Variants in ZNF131 observed in about 807,000 individuals in gnomAD.
ZNF131 encodes zinc finger protein 131.
ZNF131 carries 7 observed loss-of-function variants against 60.0 expected under a neutral mutation model. That is an observed-to-expected ratio of 0.12 (90% CI 0.07 to 0.22). ZNF131 has a LOEUF of 0.22. ZNF131 is among the 10% of genes least tolerant of loss of function. The pLI is 1.00. For synonymous variants in ZNF131, 257 were observed against 253.2 expected, an observed-to-expected ratio of 1.01 and a Z score of -0.14; for missense variants, 493 against 740.9, an observed-to-expected ratio of 0.67 and a Z score of 3.88.
Position 43,175,789 on chromosome 5 carries a change from T to C in ZNF131, c.*656T>C, listed in dbSNP as rs1579937416. The C allele has an allele frequency of 4.2e-6, 1 of 236,624 alleles. No homozygotes were observed. Among genetic ancestry groups the C allele is most frequent in the South Asian group, 7.7e-5 (1 of 13,040 alleles). 14.7% of individuals were successfully genotyped at this position (236,624 alleles called of 1,614,324 possible). A position where few individuals can be genotyped will look rare whatever the true frequency, so the allele number is the denominator to read the frequency against. On this transcript the variant is annotated 3_prime_UTR_variant, in exon 7 of 7. Coordinates refer to ENST00000682664, the MANE Select transcript of ZNF131 (RefSeq NM_001330707.2). Reference sequence around the variant, plus strand: ...CTGAACTTCTATAAAGCATCTCTGGTTCTTTCAAAGTTTGTGTTGTAAGGA... The same window carrying C: ...CTGAACTTCTATAAAGCATCTCTGGCTCTTTCAAAGTTTGTGTTGTAAGGA...
chr5:43,157,768 A>G (rs370014791), intron 4 of ZNF131, among the ~76,000 whole-genome samples: 1 of 152,202 alleles, frequency 6.6e-6, no homozygotes, highest in Non-Finnish European at 1.5e-5. Flanking sequence ...CTCCCAAGAC[A>G]CTAAGGGGAG....
At position 43,174,964 on chromosome 5, in the gene ZNF131, C is replaced by A; in HGVS notation, c.1703C>A (p.Thr568Asn). The A allele has an allele frequency of 6.2e-7, 1 of 1,614,050 alleles. No individual in the cohort carries two copies. The highest frequency in any genetic ancestry group is 1.6e-4 in the Middle Eastern group (1 of 6,062). ...CTAGAAGCAGATTTGGACCACGTGA[C>A]CCCAGAAATCATGAACCAAGAGGAG... ...ELLEADLDHV[T>N]PEIMNQEERE... Residue 568 changes from threonine (T) to asparagine (N), a missense_variant, in exon 7 of 7, where the codon ACC (threonine) becomes AAC (asparagine). Physicochemically the swap from Thr to Asn is moderately conservative, Grantham distance 65. Coordinates refer to ENST00000682664, the MANE Select transcript of ZNF131 (RefSeq NM_001330707.2).
rs1205635519 is a variant in ZNF131 at position 43,162,969 on chromosome 5, CTTTTT to C, written c.1054+1052_1054+1056del. Among the ~76,000 whole-genome samples the C allele has an allele frequency of 3.2e-4, 21 of 64,908 alleles. 2 individuals are homozygous for C. Among genetic ancestry groups the C allele is most frequent in the African/African-American group, 8.1e-4 (16 of 19,760 alleles). 42.6% of individuals were successfully genotyped at this position (64,908 alleles called of 152,430 possible). A position where few individuals can be genotyped will look rare whatever the true frequency, so the allele number is the denominator to read the frequency against. On this transcript the variant is annotated intron_variant, in intron 5 of 6. Coordinates refer to ENST00000682664, the MANE Select transcript of ZNF131 (RefSeq NM_001330707.2). ...TTTATACTTCTTTTCTTTTATTTGCCTTTTTTTTTTTTTTTTTTGGCAGATGGAGT... is the reference window on the plus strand; with the variant it reads ...TTTATACTTCTTTTCTTTTATTTGCCTTTTTTTTTTTTTGGCAGATGGAGT...
Position 43,142,274 on chromosome 5 carries a change from G to A in ZNF131, c.371+2965G>A, listed in dbSNP as rs1296039369. 3.4e-5 allele frequency among the ~76,000 whole-genome samples: 5 copies of A among 148,170 alleles called. No individual in the cohort carries two copies. The South Asian group carries it at 8.8e-4, about 26-fold the overall frequency. The stretch of plus-strand genomic sequence containing the variant: ...AGAGAATTGCTTGAACCCGGGAGGC[G>A]GTGGTTGCAGTGAGCTGAGATCATG... On this transcript the variant is annotated intron_variant, in intron 4 of 6. Transcript: ENST00000682664.
At chr5:43,142,894 T>C (rs1053861814) in intron 4 of ZNF131, among the ~76,000 whole-genome samples, 4 of 152,070 alleles carry the variant, frequency 2.6e-5, no homozygotes, top group African/African-American at 4.8e-5. Flanking sequence ...GATTTCACCA[T>C]GTTGCCCAGG....
chr5:43,131,004 C>T lies in ZNF131; in HGVS notation c.226+7694C>T, dbSNP rs113216782. 7.8e-3 allele frequency among the ~76,000 whole-genome samples: 1,186 copies of T among 152,188 alleles called. 18 individuals are homozygous for T. Among genetic ancestry groups the T allele is most frequent in the African/African-American group, 0.027 (1,134 of 41,500 alleles). ...TCAGCCTCCTGAGTAGCTGGGATTA[C>T]AGGCACTCACTAACCACACCTGGCC... On this transcript the variant is annotated intron_variant, in intron 3 of 6. Coordinates refer to ENST00000682664, the MANE Select transcript of ZNF131 (RefSeq NM_001330707.2).
chr5:43,147,429 AT>A (rs1747745290), intron 4 of ZNF131, among the ~76,000 whole-genome samples: 1 of 150,216 alleles, frequency 6.7e-6, no homozygotes. Flanking sequence ...TTATTTATTT[AT>A]TTTTTGAGAC....
Position 43,161,813 on chromosome 5 carries a change from T to A in ZNF131, c.936T>A (p.Leu312=), listed in dbSNP as rs769780206. 6.2e-7 allele frequency: 1 copy of A among 1,614,200 alleles called. No homozygotes were observed. Among genetic ancestry groups the A allele is most frequent in the Admixed American group, 1.7e-5 (1 of 60,026 alleles). ...AWKQHLNCYH[L]EEGGVSKKQR... ...AACAGCACCTAAATTGTTACCACCT[T>A]GAAGAAGGTGGAGTCAGTAAGAAGC... The change falls in exon 5 of 7, where the codon CTT becomes CTA. Residue 312 remains leucine (L), a synonymous_variant. Transcript: ENST00000682664.
Position 43,121,022 on chromosome 5 carries a change from A to G in ZNF131, c.-117A>G, listed in dbSNP as rs896309991. 1 of 152,294 alleles carries G rather than the reference A, an allele frequency of 6.6e-6. No homozygotes were observed. Among genetic ancestry groups the G allele is most frequent in the African/African-American group, 2.4e-5 (1 of 41,466 alleles). The allele number at this position is 152,294 out of a possible 1,614,324, so 9.4% of individuals were successfully genotyped here. ...GAAAATGGAGGGCGACCCACGGGTT[A>G]GGGGTCAGGAAAGGCGTGGGGCGCA... On this transcript the variant is annotated 5_prime_UTR_variant, in exon 1 of 7. Coordinates refer to ENST00000682664, the MANE Select transcript of ZNF131 (RefSeq NM_001330707.2).
chr5:43,139,229 A>T lies in ZNF131; in HGVS notation c.291A>T (p.Gln97His). The T allele has an allele frequency of 6.2e-7, 1 of 1,612,976 alleles. No homozygotes were observed. Among genetic ancestry groups the T allele is most frequent in the East Asian group, 2.2e-5 (1 of 44,770 alleles). The change falls in exon 4 of 7, where the codon CAA (glutamine) becomes CAT (histidine). Residue 97 changes from glutamine (Q) to histidine (H), a missense_variant. Physicochemically the swap from Gln to His is conservative, Grantham distance 24 (BLOSUM62 0). Transcript: ENST00000682664. ...EFTYTAKLMIQGEEEANDVWK... is the reference protein window; with the variant it reads ...EFTYTAKLMIHGEEEANDVWK... ...CATATACAGCAAAATTAATGATACAAGGAGAAGAAGAAGCCAATGATGTAT... is the reference window on the plus strand; with the variant it reads ...CATATACAGCAAAATTAATGATACATGGAGAAGAAGAAGCCAATGATGTAT...
intron 4 of ZNF131, among the ~76,000 whole-genome samples, chr5:43,154,115 A>T (rs1326286055): frequency 6.6e-6 from 1 of 152,116 alleles, no homozygotes; most frequent in Non-Finnish European, 1.5e-5. Flanking sequence ...GTGTAACCTA[A>T]AGAAGTGTCA....
intron 4 of ZNF131, among the ~76,000 whole-genome samples, chr5:43,143,048 CAG>C (rs1210242012): frequency 2.8e-5 from 4 of 142,552 alleles, no homozygotes; most frequent in African/African-American, 7.8e-5. Flanking sequence ...TTTTTGAAGA[CAG>C]AGTCTCACTG....
chr5:43,127,032 GT>G (rs1040917222), intron 3 of ZNF131, among the ~76,000 whole-genome samples: 7 of 152,102 alleles, frequency 4.6e-5, no homozygotes, highest in Non-Finnish European at 1.5e-5. Context: ...ACTGTTTTGA[GT>G]TTTGATTTCT....
At chr5:43,129,328 TC>T (rs1201470517) in intron 3 of ZNF131, among the ~76,000 whole-genome samples, 2 of 152,152 alleles carry the variant, frequency 1.3e-5, no homozygotes, top group Non-Finnish European at 2.9e-5. Flanking sequence ...TGCCTTGGCC[TC>T]CCATAGTGCT....
intron 3 of ZNF131, among the ~76,000 whole-genome samples, chr5:43,132,164 T>C (rs1385394067): frequency 6.6e-6 from 1 of 152,210 alleles, no homozygotes; most frequent in East Asian, 1.9e-4. Flanking sequence ...CTTGTGCTTT[T>C]AAACTTTTGG....
rs1398796130 is a variant in ZNF131 at position 43,163,741 on chromosome 5, T to C, written c.1054+1810T>C. Among the ~76,000 whole-genome samples, 3 of 152,212 alleles carry C rather than the reference T, an allele frequency of 2.0e-5. No individual in the cohort carries two copies. The East Asian group carries it at 5.8e-4, about 29-fold the overall frequency. Reference sequence around the variant, plus strand: ...GACATTTGTTCCCAAGTCTTTGTTATATGTGGTGGTTAAGGCTGTTTAGAC... The same window carrying C: ...GACATTTGTTCCCAAGTCTTTGTTACATGTGGTGGTTAAGGCTGTTTAGAC... On this transcript the variant is annotated intron_variant, in intron 5 of 6. Transcript: ENST00000682664.
chr5:43,129,905 C>G (rs1372738288), intron 3 of ZNF131, among the ~76,000 whole-genome samples: 3 of 151,980 alleles, frequency 2.0e-5, no homozygotes, highest in African/African-American at 7.2e-5. Flanking sequence ...ATCTGCCTGC[C>G]TCGGCCTCCC....
At chr5:43,130,806 T>C (rs1211926561) in intron 3 of ZNF131, among the ~76,000 whole-genome samples, 1 of 152,114 alleles carries the variant, frequency 6.6e-6, no homozygotes, top group Non-Finnish European at 1.5e-5. Context: ...TCTCAGATGA[T>C]CCACCTGCCT....
chr5:43,135,781 A>T (rs1579752963), intron 3 of ZNF131, among the ~76,000 whole-genome samples: 1 of 152,108 alleles, frequency 6.6e-6, no homozygotes, highest in South Asian at 2.1e-4. Flanking sequence ...AACACTCAGT[A>T]TTGTTAAATT....
Sources: gnomAD v4.1 joint callset for allele counts (sites outside exome capture counted in the v4.1 genomes callset) on GRCh38, gnomAD v4.1.1 for gene constraint, MANE v1.5 for transcripts, NCBI Gene and HGNC (gene_info 2026-07-23, HGNC 2026-07-21) for gene names.